FAM107B: variants seen among roughly 807,000 people sequenced by gnomAD.
FAM107B encodes protein FAM107B.
Under a neutral mutation model 31.5 loss-of-function variants are expected in FAM107B, and 21 were observed. The ratio of observed to expected loss-of-function variants is 0.67; its 90% CI spans 0.47 to 0.96. The LOEUF (loss-of-function observed/expected upper bound fraction) is 0.96. Ranked by LOEUF, FAM107B falls within the 40% of genes least tolerant of loss-of-function variation. The pLI is 0.00. For synonymous variants in FAM107B, 157 were observed against 141.5 expected, an observed-to-expected ratio of 1.11 and a Z score of -0.78; for missense variants, 452 against 377.1, an observed-to-expected ratio of 1.20 and a Z score of -1.64.
intron 1 of FAM107B, among the ~76,000 whole-genome samples, chr10:14,714,075 G>A (rs1280130310): frequency 1.3e-5 from 2 of 152,154 alleles, no homozygotes; most frequent in Non-Finnish European, 1.5e-5. Context: ...ACTGCCTATC[G>A]GGTACTAGAC....
chr10:14,632,304 C>CAAAAA (rs60289509), intron 2 of FAM107B, among the ~76,000 whole-genome samples: 1 of 56,596 alleles, frequency 1.8e-5, no homozygotes, highest in Non-Finnish European at 3.2e-5. Flanking sequence ...GACTCTGTCT[C>CAAAAA]AAAAAAAAAA....
rs1304588701 is a variant in FAM107B at position 14,628,115 on chromosome 10, T to TTTTTTTGTTTTTTTTG, written c.469+39518_469+39519insCAAAAAAAACAAAAAA. Among the ~76,000 whole-genome samples the TTTTTTTGTTTTTTTTG allele has an allele frequency of 4.2e-5, 5 of 120,260 alleles. No individual in the cohort carries two copies. The South Asian group carries it at 9.2e-4, about 22-fold the overall frequency. The allele number at this position is 120,260 out of a possible 152,430, so 78.9% of individuals were successfully genotyped here. Reference sequence around the variant, plus strand: ...TTGTTTGTTTTTTGTTTTGCTGGTTTTTTTTTTTTTTTTTTTTTGAGATGG... The same window carrying TTTTTTTGTTTTTTTTG: ...TTGTTTGTTTTTTGTTTTGCTGGTTTTTTTTTGTTTTTTTTGTTTTTTTTTTTTTTTTTTGAGATGG... On this transcript the variant is annotated intron_variant, in intron 2 of 4. Coordinates refer to ENST00000181796, the MANE Select transcript of FAM107B (RefSeq NM_031453.4).
At chr10:14,679,379 C>T (rs1017164872) in intron 1 of FAM107B, among the ~76,000 whole-genome samples, 3 of 152,140 alleles carry the variant, frequency 2.0e-5, no homozygotes, top group Middle Eastern at 3.2e-3. Context: ...AATCCTTTTG[C>T]CTTGGCCTCC....
chr10:14,599,851 TA>T (rs1019932238), intron 2 of FAM107B, among the ~76,000 whole-genome samples: 1 of 68,164 alleles, frequency 1.5e-5, no homozygotes, highest in African/African-American at 3.8e-5. Flanking sequence ...TTCCTTGATC[TA>T]CAAAAAAAAA....
chr10:14,690,479 A>T (rs1186070754), intron 1 of FAM107B, among the ~76,000 whole-genome samples: 1 of 151,612 alleles, frequency 6.6e-6, no homozygotes, highest in Non-Finnish European at 1.5e-5. Flanking sequence ...TTTGAGATGG[A>T]GTCTCGCTCT....
intron 1 of FAM107B, among the ~76,000 whole-genome samples, chr10:14,672,110 T>TA (rs1193573439): frequency 7.9e-5 from 12 of 151,182 alleles, no homozygotes; most frequent in South Asian, 2.1e-4. Context: ...ATTTATTTTT[T>TA]TTTTTGAGGC....
intron 2 of FAM107B, among the ~76,000 whole-genome samples, chr10:14,543,691 T>TAAAAAAAAAAAAAAAAAA (rs11318873): frequency 1.4e-5 from 2 of 138,854 alleles, no homozygotes; most frequent in African/African-American, 2.7e-5. Flanking sequence ...CTAAAAACTT[T>TAAAAAAAAAAAAAAAAAA]AAAAAAAAAA....
In FAM107B at chr10:14,607,588, C is replaced by T. The variant is rs1852626408; in HGVS notation, c.469+60046G>A. Among the ~76,000 whole-genome samples the T allele has an allele frequency of 2.6e-5, 4 of 152,286 alleles. No individual in the cohort carries two copies. The South Asian group carries it at 8.3e-4, about 32-fold the overall frequency. On this transcript the variant is annotated intron_variant, in intron 2 of 4. Transcript: ENST00000181796. ...CTTCCCAGGGTTATAACAGGCAACA[C>T]CAGACCCTCAGCCCGAGTCTGATAT...
intron 2 of FAM107B, among the ~76,000 whole-genome samples, chr10:14,632,604 C>CT (rs1258737792): frequency 3.1e-5 from 4 of 130,580 alleles, no homozygotes; most frequent in Non-Finnish European, 4.8e-5. Context: ...AGGCAAGACT[C>CT]TGTCTCAAAA....
At chr10:14,564,620 A>G (rs996241522) in intron 2 of FAM107B, among the ~76,000 whole-genome samples, 8 of 152,262 alleles carry the variant, frequency 5.3e-5, no homozygotes, top group African/African-American at 1.9e-4. Context: ...ATCATCACCT[A>G]TTTTGACTTC....
intron 2 of FAM107B, among the ~76,000 whole-genome samples, chr10:14,590,140 A>G (rs1333043527): frequency 6.6e-6 from 1 of 152,226 alleles, no homozygotes; most frequent in Non-Finnish European, 1.5e-5. Flanking sequence ...TGGTTTATTC[A>G]CCAAAAATGA....
At chr10:14,630,009 C>A (rs1853312623) in intron 2 of FAM107B, among the ~76,000 whole-genome samples, 1 of 151,970 alleles carries the variant, frequency 6.6e-6, no homozygotes, top group Non-Finnish European at 1.5e-5. Flanking sequence ...TGTTACACAA[C>A]AAATGAACAA....
intron 2 of FAM107B, among the ~76,000 whole-genome samples, chr10:14,588,847 T>C (rs1851927302): frequency 6.6e-6 from 1 of 152,016 alleles, no homozygotes; most frequent in Admixed American, 6.5e-5. Context: ...TCCAAACCCA[T>C]CCCAAGTTGA....
intron 2 of FAM107B, among the ~76,000 whole-genome samples, chr10:14,578,077 C>T (rs1271536625): frequency 2.0e-5 from 3 of 152,096 alleles, no homozygotes; most frequent in Admixed American, 6.5e-5. Context: ...AGAGCCAGGG[C>T]GTGCGGGTAC....
intron 2 of FAM107B, among the ~76,000 whole-genome samples, chr10:14,577,180 C>T (rs767912883): frequency 3.9e-5 from 6 of 152,180 alleles, no homozygotes; most frequent in Non-Finnish European, 8.8e-5. Context: ...ATTCTAATTG[C>T]GTATTCTCGA....
At chr10:14,595,703 C>G (rs1852168124) in intron 2 of FAM107B, among the ~76,000 whole-genome samples, 1 of 152,150 alleles carries the variant, frequency 6.6e-6, no homozygotes, top group Admixed American at 6.5e-5. Context: ...AATAAAACAA[C>G]ACTAAGTCCA....
chr10:14,661,732 T>C (rs1854246213), intron 2 of FAM107B: 1 of 152,234 alleles, frequency 6.6e-6, no homozygotes, highest in Admixed American at 6.5e-5. Flanking sequence ...CTCTGACTAG[T>C]TCAGGAAGAG....
intron 2 of FAM107B, among the ~76,000 whole-genome samples, chr10:14,556,580 A>ACG (rs1197552880): frequency 1.3e-5 from 2 of 152,062 alleles, no homozygotes; most frequent in African/African-American, 4.8e-5. Context: ...ACTGCCCCTC[A>ACG]CTTGAGATCT....
intron 1 of FAM107B, among the ~76,000 whole-genome samples, chr10:14,681,194 A>G (rs1462780310): frequency 6.6e-6 from 1 of 152,230 alleles, no homozygotes; most frequent in East Asian, 1.9e-4. Context: ...AGAATGTGGA[A>G]GAAATGCAGA....
Sources: allele counts gnomAD v4.1 joint callset (sites outside exome capture counted in the v4.1 genomes callset), GRCh38; gene constraint gnomAD v4.1.1; transcripts MANE v1.5; gene names NCBI Gene and HGNC (gene_info 2026-07-23, HGNC 2026-07-21).